Variants in SOS1 observed in about 807,000 individuals in gnomAD.
SOS1 encodes SOS Ras/Rac guanine nucleotide exchange factor 1, also known as son of sevenless homolog 1.
A neutral mutation model predicts 157.6 loss-of-function variants in SOS1; 25 were observed. The ratio of observed to expected loss-of-function variants is 0.16; its 90% CI spans 0.12 to 0.22. SOS1 has a LOEUF of 0.22. Among genes scored for constraint, SOS1 ranks in the 10% least tolerant of loss-of-function variants. The pLI, the probability that SOS1 is intolerant of heterozygous loss-of-function variation, is 1.00. For missense variants in SOS1, 1,237 were observed against 1,599.1 expected, an observed-to-expected ratio of 0.77 and a Z score of 3.86; for synonymous variants, 528 against 534.0, an observed-to-expected ratio of 0.99 and a Z score of 0.16.
chr2:39,111,902 G>C (rs557646874), intron 1 of SOS1, among the ~76,000 whole-genome samples: 1 of 151,850 alleles, frequency 6.6e-6, no homozygotes, highest in Non-Finnish European at 1.5e-5. Flanking sequence ...GATAATTTTT[G>C]TATTTTTGGT....
chr2:39,110,724 T>C (rs912216766), intron 1 of SOS1, among the ~76,000 whole-genome samples: 2 of 152,158 alleles, frequency 1.3e-5, no homozygotes, highest in East Asian at 1.9e-4. Context: ...AAGACAACAT[T>C]AGGAAAATAT....
intron 6 of SOS1, among the ~76,000 whole-genome samples, chr2:39,040,789 A>C (rs1008464524): frequency 2.6e-5 from 4 of 152,218 alleles, no homozygotes; most frequent in Non-Finnish European, 5.9e-5. Flanking sequence ...ATTGTGAATA[A>C]TGCTGCTATA....
intron 6 of SOS1, among the ~76,000 whole-genome samples, chr2:39,047,728 T>C (rs750526624): frequency 6.6e-6 from 1 of 152,238 alleles, no homozygotes; most frequent in Non-Finnish European, 1.5e-5. Context: ...TGGAGTACAG[T>C]GGTGTGCTCT....
At chr2:39,046,597 C>G (rs1282845375) in intron 6 of SOS1, among the ~76,000 whole-genome samples, 1 of 149,842 alleles carries the variant, frequency 6.7e-6, no homozygotes, top group Non-Finnish European at 1.5e-5. Context: ...CTCCGCCTCC[C>G]GGGTTCACGC....
chr2:39,058,889 T>C (rs1671304657), intron 2 of SOS1, 85 bp from the exon 3 acceptor site: 13 of 1,063,974 alleles, frequency 1.2e-5, no homozygotes, highest in Non-Finnish European at 1.8e-5. Flanking sequence ...AATCAAAGAA[T>C]ACCAAAAGTA....
chr2:39,045,459 A>C (rs1316467054), intron 6 of SOS1, among the ~76,000 whole-genome samples: 1 of 152,122 alleles, frequency 6.6e-6, no homozygotes, highest in African/African-American at 2.4e-5. Flanking sequence ...GAGGCTTTAT[A>C]ATCAGGTGCA....
chr2:39,045,516 A>G (rs1293245671), intron 6 of SOS1, among the ~76,000 whole-genome samples: 1 of 151,974 alleles, frequency 6.6e-6, no homozygotes, highest in African/African-American at 2.4e-5. Context: ...CCCTTTTACT[A>G]TTAGGAAGTG....
At chr2:39,090,747 T>C (rs1279741388) in intron 1 of SOS1, among the ~76,000 whole-genome samples, 1 of 152,180 alleles carries the variant, frequency 6.6e-6, no homozygotes, top group Admixed American at 6.5e-5. Context: ...GCTTATCACA[T>C]CTTTTTAATG....
At chr2:39,035,635 A>T in intron 6 of SOS1, 135 bp from the exon 7 acceptor site, 2 of 672,420 alleles carry the variant, frequency 3.0e-6, no homozygotes, top group Non-Finnish European at 5.3e-6. Context: ...TATGACTACT[A>T]ATTATAATTT....
chr2:39,023,982 G>A, intron 9 of SOS1, 28 bp downstream of exon 9: 2 of 1,531,654 alleles, frequency 1.3e-6, no homozygotes, highest in Admixed American at 3.4e-5. Flanking sequence ...AGGGAAAAAA[G>A]GATATTTTAA....
chr2:39,121,548 G>C (rs1247179853), upstream of SOS1, among the ~76,000 whole-genome samples: 1 of 152,218 alleles, frequency 6.6e-6, no homozygotes, highest in African/African-American at 2.4e-5. Context: ...GATTTTGTGT[G>C]AATGTTTTAG....
rs1200150604 is a variant in SOS1, at chr2:39,005,248, G to C, written c.2791+1164C>G. Among the ~76,000 whole-genome samples, 6 of 152,282 alleles carry C rather than the reference G, an allele frequency of 3.9e-5. No individual in the cohort carries two copies. The East Asian group carries it at 5.8e-4, about 15-fold the overall frequency. On this transcript the variant is annotated intron_variant, in intron 17 of 22. Coordinates refer to ENST00000402219, the MANE Select transcript of SOS1 (RefSeq NM_005633.4). ...TGTTTTTGGACCAAAGCTGACCATG[G>C]ATAACTGAAACCGTGGAAAGTGAAA... is the stretch of plus-strand genomic sequence containing the variant.
At chr2:39,051,931 T>TA (rs1164394542) in intron 5 of SOS1, among the ~76,000 whole-genome samples, 1 of 152,206 alleles carries the variant, frequency 6.6e-6, no homozygotes, top group Non-Finnish European at 1.5e-5. Flanking sequence ...AAAGTGTAGT[T>TA]ACTAGTCAAT....
intron 17 of SOS1, among the ~76,000 whole-genome samples, chr2:39,000,423 T>G (rs923171459): frequency 2.6e-4 from 40 of 151,380 alleles, no homozygotes; most frequent in African/African-American, 3.4e-4. Context: ...AAAGCTTAGG[T>G]TTTTTTTTCA....
intron 22 of SOS1, 39 bp downstream of exon 22, chr2:38,987,434 A>T: frequency 9.6e-7 from 1 of 1,039,948 alleles, no homozygotes; most frequent in Non-Finnish European, 1.5e-6. Context: ...ATGAACTGTA[A>T]TGATTCCAAT....
chr2:39,016,759 A>C (rs947320766), intron 10 of SOS1, among the ~76,000 whole-genome samples: 1 of 152,070 alleles, frequency 6.6e-6, no homozygotes, highest in Non-Finnish European at 1.5e-5. Context: ...TAAAATCAAC[A>C]CTCACCTCCA....
Position 39,084,051 on chromosome 2 carries a change from G to C in SOS1, c.88-16298C>G, listed in dbSNP as rs1672293464. On this transcript the variant is annotated intron_variant, in intron 1 of 22. Transcript: ENST00000402219. Reference sequence around the variant, plus strand: ...GAACACAGAAGACAGACCACGTGAAGAAACAGGGAGAAGACAGCCATCTAT... The same window carrying C: ...GAACACAGAAGACAGACCACGTGAACAAACAGGGAGAAGACAGCCATCTAT... Among the ~76,000 whole-genome samples, 2 of 152,152 alleles carry C rather than the reference G, an allele frequency of 1.3e-5. 1 individual carries two copies. Among genetic ancestry groups the C allele is most frequent in the Admixed American group, 1.3e-4 (2 of 15,260 alleles).
At chr2:39,044,862 G>GCACACA (rs1271039137) in intron 6 of SOS1, among the ~76,000 whole-genome samples, 575 of 33,112 alleles carry the variant, frequency 0.017, 10 homozygotes, top group African/African-American at 0.036. Context: ...GCGCGCGCGC[G>GCACACA]CGCACACACA....
At chr2:39,028,327 A>G (rs1395328015) in intron 8 of SOS1, among the ~76,000 whole-genome samples, 1 of 152,204 alleles carries the variant, frequency 6.6e-6, no homozygotes, top group Admixed American at 6.5e-5. Context: ...AGAAAAAGCT[A>G]CAATGAATAT....
Sources: gnomAD v4.1 joint callset for allele counts (sites outside exome capture counted in the v4.1 genomes callset) on GRCh38, gnomAD v4.1.1 for gene constraint, MANE v1.5 for transcripts, NCBI Gene and HGNC (gene_info 2026-07-23, HGNC 2026-07-21) for gene names.